Variants in CSMD1 observed in about 807,000 individuals in gnomAD.
The protein encoded by CSMD1 is CUB and sushi domain-containing protein 1.
A neutral mutation model predicts 417.5 loss-of-function variants in CSMD1; 213 were observed. The ratio of observed to expected loss-of-function variants is 0.51; its 90% confidence interval spans 0.46 to 0.57. The LOEUF (loss-of-function observed/expected upper bound fraction) is 0.57, where lower values mean the gene tolerates loss of function less well. Among genes scored for constraint, CSMD1 ranks in the 20% least tolerant of loss-of-function variants. CSMD1 has a pLI of 0.00. For synonymous variants in CSMD1, 2,862 were observed against 1,736.8 expected, an observed-to-expected ratio of 1.65 and a Z score of -16.11; for missense variants, 6,923 against 4,529.7, an observed-to-expected ratio of 1.53 and a Z score of -15.17.
intron 3 of CSMD1, among the ~76,000 whole-genome samples, chr8:4,182,052 G>C (rs909879009): frequency 1.3e-5 from 2 of 151,804 alleles, no homozygotes; most frequent in East Asian, 1.9e-4. Flanking sequence ...GTCGGTGTGT[G>C]TGTGTGTGTA....
chr8:3,936,773 A>G (rs935204723), intron 5 of CSMD1, among the ~76,000 whole-genome samples: 1 of 152,136 alleles, frequency 6.6e-6, no homozygotes, highest in Non-Finnish European at 1.5e-5. Context: ...AACACGAAAA[A>G]CTTTTGACTT....
At chr8:4,754,851 A>C (rs904643227) in intron 1 of CSMD1, among the ~76,000 whole-genome samples, 2 of 152,060 alleles carry the variant, frequency 1.3e-5, no homozygotes, top group African/African-American at 4.8e-5. Flanking sequence ...TTAAAAAAAC[A>C]AAGTCGGATG....
At chr8:4,157,431 C>T (rs1249537852) in intron 3 of CSMD1, among the ~76,000 whole-genome samples, 1 of 152,146 alleles carries the variant, frequency 6.6e-6, no homozygotes, top group Non-Finnish European at 1.5e-5. Flanking sequence ...TTTTCTTTCT[C>T]TATTTTCCCC....
At position 4,712,841 on chromosome 8, in the gene CSMD1, G is replaced by A. The variant is rs1808397030; in HGVS notation, c.86-75283C>T. 2.6e-5 allele frequency among the ~76,000 whole-genome samples: 4 copies of A among 152,292 alleles called. No homozygotes were observed. In the South Asian group the frequency reaches 8.3e-4, roughly 32 times the overall value. ...TACTATCTAAAGTTTCTATTTCAGAGAGGTCTAATCTGGATATATTTTAGT... is the reference window on the plus strand; with the variant it reads ...TACTATCTAAAGTTTCTATTTCAGAAAGGTCTAATCTGGATATATTTTAGT... On this transcript the variant is annotated intron_variant, in intron 1 of 69. Coordinates refer to ENST00000635120, the MANE Select transcript of CSMD1 (RefSeq NM_033225.6).
chr8:4,003,645 C>T (rs917894681), intron 4 of CSMD1, among the ~76,000 whole-genome samples: 28 of 152,016 alleles, frequency 1.8e-4, no homozygotes, highest in African/African-American at 5.8e-4. Flanking sequence ...TCTGAAAATA[C>T]ATAAATACGA....
chr8:3,100,142 C>T (rs995745464), intron 46 of CSMD1, among the ~76,000 whole-genome samples: 1 of 152,100 alleles, frequency 6.6e-6, no homozygotes, highest in Non-Finnish European at 1.5e-5. Flanking sequence ...GCCTTGACCT[C>T]CCAGGCTCAA....
intron 12 of CSMD1, among the ~76,000 whole-genome samples, chr8:3,441,744 C>A (rs1563393234): frequency 6.6e-6 from 1 of 152,030 alleles, no homozygotes; most frequent in South Asian, 2.1e-4. Flanking sequence ...CTGTACACAG[C>A]AGGTAACACT....
intron 11 of CSMD1, among the ~76,000 whole-genome samples, chr8:3,476,873 G>C (rs1186998887): frequency 7.0e-6 from 1 of 143,428 alleles, no homozygotes; most frequent in Non-Finnish European, 1.5e-5. Context: ...AGCCAAGACC[G>C]TGTCACTGCA....
chr8:3,742,356 G>A (rs1479118820), intron 6 of CSMD1, among the ~76,000 whole-genome samples: 5 of 152,076 alleles, frequency 3.3e-5, no homozygotes, highest in African/African-American at 7.2e-5. Flanking sequence ...TTTCAGTGGC[G>A]AATCTGACCC....
At chr8:4,894,048 T>G (rs985873412) in intron 1 of CSMD1, among the ~76,000 whole-genome samples, 2 of 152,164 alleles carry the variant, frequency 1.3e-5, no homozygotes, top group Admixed American at 6.5e-5. Flanking sequence ...TTTGTTTAAG[T>G]TGTATTTTCC....
At chr8:3,309,554 C>A (rs778191278) in intron 23 of CSMD1, among the ~76,000 whole-genome samples, 4 of 141,944 alleles carry the variant, frequency 2.8e-5, no homozygotes, top group Non-Finnish European at 4.7e-5. Context: ...TATTTTAAGG[C>A]CATCTGTGAA....
chr8:4,074,535 C>G (rs895535090), intron 3 of CSMD1, among the ~76,000 whole-genome samples: 4 of 152,034 alleles, frequency 2.6e-5, no homozygotes, highest in African/African-American at 4.8e-5. Context: ...AGAACATGAG[C>G]TACCATAAAT....
chr8:4,180,611 CA>C (rs906679543), intron 3 of CSMD1, among the ~76,000 whole-genome samples: 60 of 151,876 alleles, frequency 4.0e-4, no homozygotes, highest in African/African-American at 1.4e-3. Flanking sequence ...AAATAAAATA[CA>C]AAACAAAACA....
intron 5 of CSMD1, among the ~76,000 whole-genome samples, chr8:3,952,396 T>G (rs773819721): frequency 2.6e-5 from 4 of 152,248 alleles, no homozygotes; most frequent in African/African-American, 4.8e-5. Flanking sequence ...CTTAGTTTCT[T>G]CATTAAAAAT....
chr8:4,053,776 A>C (rs1025789922), intron 3 of CSMD1, among the ~76,000 whole-genome samples: 2 of 152,126 alleles, frequency 1.3e-5, no homozygotes, highest in Non-Finnish European at 2.9e-5. Flanking sequence ...GGGGGCTTAG[A>C]TTAGAGAATA....
intron 26 of CSMD1, among the ~76,000 whole-genome samples, chr8:3,266,388 C>G (rs1011783097): frequency 6.6e-5 from 10 of 151,328 alleles, no homozygotes; most frequent in Non-Finnish European, 1.0e-4. Flanking sequence ...GGTGGATCAC[C>G]TGAGACTAGG....
chr8:4,787,516 A>G (rs1797468151), intron 1 of CSMD1: 3 of 1,070,642 alleles, frequency 2.8e-6, no homozygotes, highest in Non-Finnish European at 4.3e-6. Flanking sequence ...TTCAGTTATT[A>G]TAGGAAGCAG....
chr8:3,555,246 C>A (rs990623831), intron 10 of CSMD1, among the ~76,000 whole-genome samples: 1 of 151,016 alleles, frequency 6.6e-6, no homozygotes, highest in Non-Finnish European at 1.5e-5. Context: ...TGTGACAGGG[C>A]ATTTAGCTAG....
In CSMD1 at chr8:3,226,064, T is replaced by C. The variant is rs189496259; in HGVS notation, c.4346-2197A>G. On this transcript the variant is annotated intron_variant, in intron 27 of 69. Coordinates refer to ENST00000635120, the MANE Select transcript of CSMD1 (RefSeq NM_033225.6). ...TGAAGCTGGTCTTTAACGAGACCCA[T>C]CTACGTTTCTGCATTAAAACATTTG... 3.3e-3 allele frequency among the ~76,000 whole-genome samples: 499 copies of C among 152,326 alleles called. 9 individuals carry two copies. The highest frequency in any genetic ancestry group is 1.3e-3 in the Non-Finnish European group (87 of 68,034).
Sources: gnomAD v4.1 joint callset for allele counts (sites outside exome capture counted in the v4.1 genomes callset) on GRCh38, gnomAD v4.1.1 for gene constraint, MANE v1.5 for transcripts, NCBI Gene and HGNC (gene_info 2026-07-23, HGNC 2026-07-21) for gene names.